NEDD4: variants seen among roughly 807,000 people sequenced by gnomAD.
NEDD4 encodes E3 ubiquitin-protein ligase NEDD4.
Under a neutral mutation model 144.9 loss-of-function variants are expected in NEDD4, and 99 were observed. That is an observed-to-expected ratio of 0.68 (90% confidence interval 0.58 to 0.81). The LOEUF is 0.81. Among genes scored for constraint, NEDD4 ranks in the 30% least tolerant of loss-of-function variants. The probability of loss-of-function intolerance (pLI) is 0.00; values close to 1 mark genes in which losing one functional copy is unlikely to be tolerated. For missense variants in NEDD4, 985 were observed against 1,065.9 expected (o/e 0.92, Z 1.06); for synonymous variants, 318 against 350.6 (o/e 0.91, Z 1.04).
In NEDD4 at chr15:55,962,368, C is replaced by T. The variant is rs560152737; in HGVS notation, c.119+4105G>A. The stretch of plus-strand genomic sequence containing the variant: ...TATTTATTTTAATCCATTAATGTTC[C>T]TTGTAATTATTGATATGATTGGATT... On this transcript the variant is annotated intron_variant, in intron 2 of 28. Coordinates refer to ENST00000435532, the MANE Select transcript of NEDD4 (RefSeq NM_006154.4). Among the ~76,000 whole-genome samples the T allele has an allele frequency of 4.9e-4, 75 of 152,154 alleles. 5 individuals are homozygous for T. The South Asian group carries it at 0.015, about 30-fold the overall frequency.
At chr15:55,982,967 C>T (rs531834801) in intron 1 of NEDD4, among the ~76,000 whole-genome samples, 22 of 152,018 alleles carry the variant, frequency 1.4e-4, no homozygotes, top group African/African-American at 4.8e-4. Context: ...ACTAAAAATA[C>T]AAAAATTAGC....
chr15:55,881,400 C>T (rs1418978887), intron 5 of NEDD4, among the ~76,000 whole-genome samples: 3 of 152,068 alleles, frequency 2.0e-5, no homozygotes, highest in African/African-American at 7.2e-5. Flanking sequence ...CTCGGCCTTC[C>T]AAAGTGCTGG....
At chr15:55,917,062 T>C in intron 5 of NEDD4, 1 of 1,264,980 alleles carries the variant, frequency 7.9e-7, no homozygotes, top group Non-Finnish European at 9.9e-7. Context: ...TTGAATCGCT[T>C]GTAGTCAAAA....
At chr15:55,983,493 C>T (rs1371495892) in intron 1 of NEDD4, among the ~76,000 whole-genome samples, 1 of 147,306 alleles carries the variant, frequency 6.8e-6, no homozygotes, top group African/African-American at 2.5e-5. Context: ...GTTCTATTTA[C>T]TCAATGGGGT....
At chr15:55,848,721 A>C in intron 15 of NEDD4, 85 bp downstream of exon 15, 1 of 1,328,570 alleles carries the variant, frequency 7.5e-7, no homozygotes, top group Non-Finnish European at 1.1e-6. Flanking sequence ...AACATTAATT[A>C]TAGATGATAA....
Position 55,960,771 on chromosome 15 carries a change from A to G in NEDD4, c.119+5702T>C, listed in dbSNP as rs948865173. Among the ~76,000 whole-genome samples the G allele has an allele frequency of 9.2e-5, 14 of 152,136 alleles. 1 individual carries two copies. The highest frequency in any genetic ancestry group is 1.8e-4 in the Non-Finnish European group (12 of 68,020). Reference sequence around the variant, plus strand: ...ATGCCTACTTGCTCTAAACCCACCAATTACAACTCCCTGAGGGAAACCTGC... The same window carrying G: ...ATGCCTACTTGCTCTAAACCCACCAGTTACAACTCCCTGAGGGAAACCTGC... On this transcript the variant is annotated intron_variant, in intron 2 of 28. Coordinates refer to ENST00000435532, the MANE Select transcript of NEDD4 (RefSeq NM_006154.4).
At chr15:55,986,839 C>T (rs1227927714) in intron 1 of NEDD4, among the ~76,000 whole-genome samples, 1 of 151,914 alleles carries the variant, frequency 6.6e-6, no homozygotes, top group Non-Finnish European at 1.5e-5. Context: ...TCGTGATCCA[C>T]CCGTCTCGGC....
intron 2 of NEDD4, among the ~76,000 whole-genome samples, chr15:55,956,902 C>T (rs1481899308): frequency 6.6e-6 from 1 of 152,162 alleles, no homozygotes; most frequent in East Asian, 1.9e-4. Context: ...AAATGCCACC[C>T]TAACACTATT....
intron 5 of NEDD4, among the ~76,000 whole-genome samples, chr15:55,917,765 A>G (rs922081182): frequency 1.3e-5 from 2 of 152,122 alleles, no homozygotes; most frequent in Admixed American, 6.6e-5. Flanking sequence ...GATGCCATTT[A>G]TATTTTGACT....
intron 4 of NEDD4, among the ~76,000 whole-genome samples, chr15:55,946,876 T>C (rs1403922083): frequency 4.6e-5 from 7 of 152,178 alleles, no homozygotes; most frequent in Non-Finnish European, 8.8e-5. Context: ...CTCAACTACA[T>C]AGAAACTGAA....
intron 5 of NEDD4, among the ~76,000 whole-genome samples, chr15:55,885,342 C>G (rs1211561783): frequency 6.6e-6 from 1 of 152,034 alleles, no homozygotes; most frequent in African/African-American, 2.4e-5. Flanking sequence ...TAATGAGCAA[C>G]AGGAAATTAT....
chr15:55,856,705 G>A (rs1158702243), intron 11 of NEDD4, among the ~76,000 whole-genome samples: 2 of 152,052 alleles, frequency 1.3e-5, no homozygotes, highest in Non-Finnish European at 2.9e-5. Context: ...TGAACACCAC[G>A]ACCTGCCTCT....
chr15:55,884,837 G>A (rs2035329288), intron 5 of NEDD4, among the ~76,000 whole-genome samples: 1 of 152,228 alleles, frequency 6.6e-6, no homozygotes, highest in African/African-American at 2.4e-5. Flanking sequence ...AAATCGAAGA[G>A]GTATTGTCTT....
chr15:55,866,578 A>G (rs567253287), intron 8 of NEDD4, among the ~76,000 whole-genome samples: 5 of 152,340 alleles, frequency 3.3e-5, no homozygotes, highest in African/African-American at 1.2e-4. Context: ...TTAATAAAAT[A>G]GTTCTCACTA....
Position 55,842,180 on chromosome 15 carries a change from G to A in NEDD4, c.1609-17C>T, listed in dbSNP as rs753821189. The A allele has an allele frequency of 1.9e-6, 3 of 1,596,908 alleles. No individual in the cohort carries two copies. On this transcript the variant is annotated splice_polypyrimidine_tract_variant and intron_variant, in intron 18 of 28. Coordinates refer to ENST00000435532, the MANE Select transcript of NEDD4 (RefSeq NM_006154.4). ...AATGTCATTCTGAAAATCCAGAGGAGAGACGTACTGTTTAAATCAGTTCAA... is the reference window on the plus strand; with the variant it reads ...AATGTCATTCTGAAAATCCAGAGGAAAGACGTACTGTTTAAATCAGTTCAA...
At chr15:55,926,258 C>T (rs567948568) in intron 4 of NEDD4, among the ~76,000 whole-genome samples, 28 of 152,136 alleles carry the variant, frequency 1.8e-4, no homozygotes, top group Non-Finnish European at 3.7e-4. Flanking sequence ...TACCTACGGG[C>T]AACCAATGAA....
intron 9 of NEDD4, among the ~76,000 whole-genome samples, chr15:55,862,334 T>A (rs2034438407): frequency 6.6e-6 from 1 of 151,868 alleles, no homozygotes; most frequent in Admixed American, 6.6e-5. Context: ...TAAATATGAA[T>A]AATGGGAGAT....
chr15:55,852,370 G>A (rs2034017794), intron 13 of NEDD4, 54 bp downstream of exon 13: 4 of 1,568,266 alleles, frequency 2.6e-6, no homozygotes, highest in East Asian at 2.3e-5. Flanking sequence ...AGTTTACATA[G>A]GGATGTGACA....
At chr15:55,885,748 T>G (rs34727807) in intron 5 of NEDD4, among the ~76,000 whole-genome samples, 10,117 of 151,900 alleles carry the variant, frequency 0.067, 442 homozygotes, top group Non-Finnish European at 0.099. Context: ...TAAAATCACC[T>G]TCACTAAAAG....
Sources: gnomAD v4.1 joint callset for allele counts (sites outside exome capture counted in the v4.1 genomes callset) on GRCh38, gnomAD v4.1.1 for gene constraint, MANE v1.5 for transcripts, NCBI Gene and HGNC (gene_info 2026-07-23, HGNC 2026-07-21) for gene names.